Variants in SERPINE2 observed in about 807,000 individuals in gnomAD.
The protein encoded by SERPINE2 is glia-derived nexin.
In SERPINE2, 14 loss-of-function variants were observed where a neutral mutation model predicts 36.3. The observed-to-expected ratio is 0.39, with a 90% CI of 0.25 to 0.60. The LOEUF is 0.60. Among genes scored for constraint, SERPINE2 ranks in the 20% least tolerant of loss-of-function variants. The probability of loss-of-function intolerance (pLI) is 0.57; values close to 1 mark genes in which losing one functional copy is unlikely to be tolerated. For synonymous variants in SERPINE2, 192 were observed against 191.8 expected (o/e 1.00, Z -0.01); for missense variants, 418 against 499.6 (o/e 0.84, Z 1.56).
At chr2:224,029,667 A>C (rs1692293867) in intron 1 of SERPINE2, among the ~76,000 whole-genome samples, 1 of 152,194 alleles carries the variant, frequency 6.6e-6, no homozygotes, top group Non-Finnish European at 1.5e-5. Context: ...ATATTAAACC[A>C]AATAGATTAT....
chr2:224,031,859 G>A lies in SERPINE2; in HGVS notation c.-23+7240C>T, dbSNP rs75626597. Among the ~76,000 whole-genome samples, 25 of 144,078 alleles carry A rather than the reference G, an allele frequency of 1.7e-4. No homozygotes were observed. In the East Asian group the frequency reaches 2.4e-3, roughly 14 times the overall value. The allele number at this position is 144,078 out of a possible 152,430, so 94.5% of individuals were successfully genotyped here. A position where few individuals can be genotyped will look rare whatever the true frequency, so the allele number is the denominator to read the frequency against. ...TGGAGCTACCTACAGTCATGGTCCCGGAGAGGACAACCACAATCAGCAGAC... is the reference window on the plus strand; with the variant it reads ...TGGAGCTACCTACAGTCATGGTCCCAGAGAGGACAACCACAATCAGCAGAC... On this transcript the variant is annotated intron_variant, in intron 1 of 8. Transcript: ENST00000409304.
At chr2:224,002,445 T>C (rs770630095) in intron 1 of SERPINE2, among the ~76,000 whole-genome samples, 37 of 152,154 alleles carry the variant, frequency 2.4e-4, no homozygotes, top group Admixed American at 1.6e-3. Flanking sequence ...GTCCTTACAA[T>C]GTGCCAGGTC....
At chr2:224,020,313 A>G (rs1251482973) in intron 1 of SERPINE2, among the ~76,000 whole-genome samples, 2 of 152,200 alleles carry the variant, frequency 1.3e-5, no homozygotes, top group Admixed American at 6.5e-5. Flanking sequence ...AGGAGTCAGA[A>G]GAGAGTTGGG....
chr2:224,030,257 G>A, intron 1 of SERPINE2: 1 of 983,082 alleles, frequency 1.0e-6, no homozygotes, highest in South Asian at 4.7e-5. Flanking sequence ...ACTGCCCACT[G>A]AGAGTGCAGC....
In SERPINE2 at chr2:223,997,314, A is replaced by T. The variant is rs142247781; in HGVS notation, c.487+801T>A. 4.1e-3 allele frequency among the ~76,000 whole-genome samples: 620 copies of T among 152,228 alleles called. 7 individuals are homozygous for T. The highest frequency in any genetic ancestry group is 0.014 in the African/African-American group (597 of 41,546). On this transcript the variant is annotated intron_variant, in intron 3 of 8. Coordinates refer to ENST00000409304, the MANE Select transcript of SERPINE2 (RefSeq NM_001136528.2). ...CGGCTCATTGCAATCTCCCCCTCCCAGGTTCAAGCGATTCTCCTGCCTCAG... is the reference window on the plus strand; with the variant it reads ...CGGCTCATTGCAATCTCCCCCTCCCTGGTTCAAGCGATTCTCCTGCCTCAG...
chr2:224,028,211 C>A (rs1178414557), intron 1 of SERPINE2, among the ~76,000 whole-genome samples: 1 of 152,202 alleles, frequency 6.6e-6, no homozygotes, highest in Non-Finnish European at 1.5e-5. Context: ...CCTGCCACAG[C>A]CCTGCCTTTG....
At chr2:224,014,904 C>G (rs764674860) in intron 1 of SERPINE2, among the ~76,000 whole-genome samples, 1 of 152,230 alleles carries the variant, frequency 6.6e-6, no homozygotes, top group Non-Finnish European at 1.5e-5. Context: ...CCTGCCCTCC[C>G]ACCTCTCAGA....
At chr2:224,007,511 C>T (rs1455306055) in intron 1 of SERPINE2, among the ~76,000 whole-genome samples, 1 of 152,136 alleles carries the variant, frequency 6.6e-6, no homozygotes, top group Non-Finnish European at 1.5e-5. Flanking sequence ...TAACTGCAGA[C>T]ATCATATAAT....
chr2:224,015,226 G>A (rs929121543), intron 1 of SERPINE2, among the ~76,000 whole-genome samples: 3 of 152,170 alleles, frequency 2.0e-5, no homozygotes, highest in Admixed American at 6.5e-5. Flanking sequence ...TAATCAAATC[G>A]TCTTATTACT....
chr2:223,975,225 G>C lies in SERPINE2; in HGVS notation c.*642C>G, dbSNP rs1161415430. The C allele has an allele frequency of 2.0e-5, 3 of 152,530 alleles. No homozygotes were observed. Among genetic ancestry groups the C allele is most frequent in the African/African-American group, 7.2e-5 (3 of 41,426 alleles). 9.4% of individuals were successfully genotyped at this position (152,530 alleles called of 1,614,324 possible). A position where few individuals can be genotyped will look rare whatever the true frequency, so the allele number is the denominator to read the frequency against. On this transcript the variant is annotated 3_prime_UTR_variant, in exon 9 of 9. Transcript: ENST00000409304. ...CAAAAATGCAAATCCAAGGAGTACA[G>C]ACCAGTAGTGACAGGCACACTGCAC...
At chr2:223,987,596 G>A (rs1305085096) in intron 4 of SERPINE2, among the ~76,000 whole-genome samples, 3 of 152,294 alleles carry the variant, frequency 2.0e-5, no homozygotes, top group East Asian at 3.9e-4. Context: ...GAAAAGGAGC[G>A]GAGGTGAAAA....
rs77677571 is a variant in SERPINE2, at chr2:224,001,922, C to T, written c.-22G>A. The T allele has an allele frequency of 1.8e-3, 2,809 of 1,599,946 alleles. 37 individuals are homozygous for T. The African/African-American group carries it at 0.034, about 19-fold the overall frequency. On this transcript the variant is annotated splice_region_variant and 5_prime_UTR_variant, in exon 2 of 9. Coordinates refer to ENST00000409304, the MANE Select transcript of SERPINE2 (RefSeq NM_001136528.2). ...TCATGGTTCCTTCCACCAAGGACGA[C>T]CTGGAAAAGTAAGTTAAAAAATATT...
chr2:224,028,402 T>C (rs1692253992), intron 1 of SERPINE2, among the ~76,000 whole-genome samples: 1 of 152,240 alleles, frequency 6.6e-6, no homozygotes, highest in Non-Finnish European at 1.5e-5. Context: ...AGTGTGGACC[T>C]GGGGTTTGAA....
chr2:224,031,045 C>G (rs1303881180), intron 1 of SERPINE2: 1 of 984,978 alleles, frequency 1.0e-6, no homozygotes, highest in Non-Finnish European at 1.2e-6. Context: ...CGCAGCACGG[C>G]GAGGAGGTAG....
chr2:223,992,344 T>TTTCTTC lies in SERPINE2; in HGVS notation c.488-350_488-345dup, dbSNP rs3080091. ...ATAAGCTACATTTGATAATGAATTA[T>TTTCTTC]TTCTTCTTCTTCTTTTCTTTTTTTT... On this transcript the variant is annotated intron_variant, in intron 3 of 8. Transcript: ENST00000409304. 4.0e-5 allele frequency among the ~76,000 whole-genome samples: 6 copies of TTTCTTC among 151,890 alleles called. No individual in the cohort carries two copies. In the East Asian group the frequency reaches 1.2e-3, roughly 29 times the overall value.
At chr2:224,013,053 A>G (rs996183549) in intron 1 of SERPINE2, among the ~76,000 whole-genome samples, 6 of 152,186 alleles carry the variant, frequency 3.9e-5, no homozygotes, top group African/African-American at 1.4e-4. Flanking sequence ...GATTTGACCT[A>G]TGTATGTGGC....
intron 1 of SERPINE2, among the ~76,000 whole-genome samples, 162 bp from the exon 2 acceptor site, chr2:224,002,084 C>T (rs1691200167): frequency 1.3e-5 from 2 of 151,856 alleles, no homozygotes; most frequent in African/African-American, 4.8e-5. Context: ...TCAAGCAATT[C>T]TCCTGCCTCA....
intron 1 of SERPINE2, among the ~76,000 whole-genome samples, chr2:224,024,591 A>G (rs148759126): frequency 6.6e-6 from 1 of 152,334 alleles, no homozygotes; most frequent in African/African-American, 2.4e-5. Flanking sequence ...TAAGTCACAT[A>G]CCTGATCTGC....
At chr2:223,994,478 GTCCA>G (rs1012916166) in intron 3 of SERPINE2, among the ~76,000 whole-genome samples, 15 of 152,154 alleles carry the variant, frequency 9.9e-5, no homozygotes, top group African/African-American at 3.6e-4. Flanking sequence ...TCATCCGTCC[GTCCA>G]TCCATCCATC....
Sources: gnomAD v4.1 joint callset for allele counts (sites outside exome capture counted in the v4.1 genomes callset) on GRCh38, gnomAD v4.1.1 for gene constraint, MANE v1.5 for transcripts, NCBI Gene and HGNC (gene_info 2026-07-23, HGNC 2026-07-21) for gene names.